Variants in PLEKHG7 observed in about 807,000 individuals in gnomAD.
PLEKHG7 encodes the protein pleckstrin homology domain-containing family G member 7.
Under a neutral mutation model 85.2 loss-of-function variants are expected in PLEKHG7, and 77 were observed. The ratio of observed to expected loss-of-function variants is 0.90; its 90% CI spans 0.75 to 1.09. The LOEUF (loss-of-function observed/expected upper bound fraction) is 1.09, where lower values mean the gene tolerates loss of function less well. PLEKHG7 is among the 50% of genes least tolerant of loss of function. PLEKHG7 has a pLI of 0.00. For synonymous variants in PLEKHG7, 301 were observed against 302.4 expected (o/e 1.00, Z 0.05); for missense variants, 777 against 804.3 (o/e 0.97, Z 0.41).
chr12:92,741,632 A>G lies in PLEKHG7; in HGVS notation c.1137+40A>G, dbSNP rs776049648. ...GGAGACCTCAGCTTCATGTAGTAAA[A>G]TCACCCACCTCCCAGGACAGTTGTT... On this transcript the variant is annotated intron_variant, in intron 9 of 16. Transcript: ENST00000344636. The G allele has an allele frequency of 2.0e-6, 3 of 1,483,864 alleles. No homozygotes were observed. In the Admixed American group the frequency reaches 5.2e-5, roughly 26 times the overall value. 91.9% of individuals were successfully genotyped at this position (1,483,864 alleles called of 1,614,324 possible). A position where few individuals can be genotyped will look rare whatever the true frequency, so the allele number is the denominator to read the frequency against.
chr12:92,754,542 C>G (rs1044778993), intron 11 of PLEKHG7, among the ~76,000 whole-genome samples: 4 of 152,196 alleles, frequency 2.6e-5, no homozygotes, highest in Non-Finnish European at 4.4e-5. Context: ...AGGAAAAGTT[C>G]TACTTCCCAG....
rs559214480 is a variant in PLEKHG7 at position 92,754,431 on chromosome 12, A to G, written c.1426+167A>G. On this transcript the variant is annotated intron_variant, in intron 11 of 16. Transcript: ENST00000344636. ...TTGTAAATCAAATGCGCACAGAACA[A>G]TGGGCTCCAGTCACATCCTGGCGAA... is the stretch of plus-strand genomic sequence containing the variant. Among the ~76,000 whole-genome samples the G allele has an allele frequency of 3.3e-5, 5 of 152,318 alleles. No homozygotes were observed. In the East Asian group the frequency reaches 7.7e-4, roughly 24 times the overall value.
chr12:92,762,038 A>AT (rs1201588330), intron 14 of PLEKHG7, among the ~76,000 whole-genome samples: 1 of 152,204 alleles, frequency 6.6e-6, no homozygotes. Flanking sequence ...GAAACCAAAA[A>AT]AATGCAAGTT....
intron 3 of PLEKHG7, among the ~76,000 whole-genome samples, chr12:92,709,621 G>A (rs571003954): frequency 2.6e-5 from 4 of 152,228 alleles, no homozygotes; most frequent in South Asian, 4.1e-4. Flanking sequence ...AGATGGAGCC[G>A]GCAGACATAA....
chr12:92,749,909 T>A, intron 10 of PLEKHG7, among the ~76,000 whole-genome samples: 2 of 142,782 alleles, frequency 1.4e-5, no homozygotes, highest in Admixed American at 1.4e-4. Context: ...TTTATTTCAT[T>A]TATTTTATTT....
chr12:92,708,783 A>C (rs1871310624), intron 3 of PLEKHG7, among the ~76,000 whole-genome samples: 1 of 152,202 alleles, frequency 6.6e-6, no homozygotes, highest in Non-Finnish European at 1.5e-5. Context: ...ATCTGGTCTA[A>C]TTTTATTGAC....
chr12:92,760,638 T>G (rs1428442964), intron 13 of PLEKHG7, among the ~76,000 whole-genome samples: 1 of 152,162 alleles, frequency 6.6e-6, no homozygotes, highest in African/African-American at 2.4e-5. Flanking sequence ...TCACTTAAAT[T>G]TAACCCTTTT....
intron 3 of PLEKHG7, chr12:92,721,415 G>T: frequency 8.3e-7 from 1 of 1,208,950 alleles, no homozygotes; most frequent in South Asian, 4.2e-5. Context: ...ATCTTCAGCA[G>T]AGCATAGAAT....
intron 3 of PLEKHG7, among the ~76,000 whole-genome samples, chr12:92,712,353 G>A (rs1871381336): frequency 6.6e-6 from 1 of 152,140 alleles, no homozygotes; most frequent in Admixed American, 6.5e-5. Context: ...GGGCCTTATG[G>A]ACAAGAATGG....
intron 4 of PLEKHG7, among the ~76,000 whole-genome samples, chr12:92,731,889 G>A (rs1872003233): frequency 6.6e-6 from 1 of 152,114 alleles, no homozygotes; most frequent in African/African-American, 2.4e-5. Context: ...AGAGTGCTTT[G>A]GCTCCCTGTC....
At position 92,768,976 on chromosome 12, in the gene PLEKHG7, T is replaced by A. The variant is rs777825749; in HGVS notation, c.1871-7T>A. 22 of 1,550,920 alleles carry A rather than the reference T, an allele frequency of 1.4e-5. No homozygotes were observed. The highest frequency in any genetic ancestry group is 1.6e-5 in the Non-Finnish European group (18 of 1,133,464). On this transcript the variant is annotated splice_polypyrimidine_tract_variant and splice_region_variant and intron_variant, in intron 15 of 16. Transcript: ENST00000344636. The stretch of plus-strand genomic sequence containing the variant: ...TGGCTTTTTGTCTTTGTAATATCTT[T>A]TTCTAGTCTTTGGGCTGAGAAATGC...
intron 3 of PLEKHG7, among the ~76,000 whole-genome samples, chr12:92,714,729 A>G (rs1260309893): frequency 2.0e-5 from 3 of 152,180 alleles, no homozygotes; most frequent in African/African-American, 7.2e-5. Flanking sequence ...TGTCAAAGGT[A>G]TTATGTATAG....
intron 3 of PLEKHG7, among the ~76,000 whole-genome samples, chr12:92,711,489 A>C (rs1871366137): frequency 6.6e-6 from 1 of 152,156 alleles, no homozygotes; most frequent in Non-Finnish European, 1.5e-5. Context: ...GCTATGCATG[A>C]CCCACTTTAT....
chr12:92,741,508 G>A lies in PLEKHG7; in HGVS notation c.1053G>A (p.Val351=). ...GTCCCTAGACAAGCCTTGGTTTTGTGAACAGTCTCTTTGGCATCATCAAGG... is the reference window on the plus strand; with the variant it reads ...GTCCCTAGACAAGCCTTGGTTTTGTAAACAGTCTCTTTGGCATCATCAAGG... The part of the protein sequence containing the change: ...EELTQTSLGF[V]NSLFGIIKDY... Residue 351 remains valine, a synonymous_variant, in exon 9 of 17, where the codon GTG becomes GTA. Coordinates refer to ENST00000344636, the MANE Select transcript of PLEKHG7 (RefSeq NM_001377329.1). 2 of 1,610,108 alleles carry A rather than the reference G, an allele frequency of 1.2e-6. No homozygotes were observed. The highest frequency in any genetic ancestry group is 1.7e-6 in the Non-Finnish European group (2 of 1,178,522).
chr12:92,735,104 C>T (rs1390008073), intron 5 of PLEKHG7, among the ~76,000 whole-genome samples: 5 of 152,212 alleles, frequency 3.3e-5, no homozygotes, highest in Non-Finnish European at 7.3e-5. Context: ...CTTCAAAACA[C>T]GGGGTTGGCA....
At chr12:92,741,144 A>T (rs992621653) in intron 8 of PLEKHG7, among the ~76,000 whole-genome samples, 196 bp downstream of exon 8, 2 of 152,130 alleles carry the variant, frequency 1.3e-5, no homozygotes, top group Admixed American at 6.5e-5. Context: ...GTTACCCTTT[A>T]TTTGTCATTT....
chr12:92,713,735 C>T (rs909583265), intron 3 of PLEKHG7, among the ~76,000 whole-genome samples: 1 of 152,228 alleles, frequency 6.6e-6, no homozygotes, highest in Non-Finnish European at 1.5e-5. Flanking sequence ...CCATCCCAAT[C>T]TCCCTAAGCC....
rs542244814 is a variant in PLEKHG7 at position 92,729,054 on chromosome 12, G to A, written c.592G>A (p.Gly198Arg). The A allele has an allele frequency of 1.1e-4, 140 of 1,231,690 alleles. No homozygotes were observed. The African/African-American group carries it at 1.6e-3, about 14-fold the overall frequency. The allele number at this position is 1,231,690 out of a possible 1,614,324, so 76.3% of individuals were successfully genotyped here. Residue 198 changes from glycine to arginine, a missense_variant, in exon 4 of 17, where the codon GGG (glycine) becomes AGG (arginine). Coordinates refer to ENST00000344636, the MANE Select transcript of PLEKHG7 (RefSeq NM_001377329.1). ...CTTACCTGGACTTGAGGTGTTCCCC[G>A]GGGACCTTCTGGTGTCAGATGGAGC... is the stretch of plus-strand genomic sequence containing the variant. ...LNLPGLEVFPGDLLVSDGAAD... is the reference protein window; with the variant it reads ...LNLPGLEVFPRDLLVSDGAAD...
At chr12:92,748,641 T>A (rs1872604066) in intron 10 of PLEKHG7, among the ~76,000 whole-genome samples, 1 of 152,218 alleles carries the variant, frequency 6.6e-6, no homozygotes, top group Non-Finnish European at 1.5e-5. Context: ...GATTACATTG[T>A]TCCTTTGTGT....
Sources: allele counts gnomAD v4.1 joint callset (sites outside exome capture counted in the v4.1 genomes callset), GRCh38; gene constraint gnomAD v4.1.1; transcripts MANE v1.5; gene names NCBI Gene and HGNC (gene_info 2026-07-23, HGNC 2026-07-21).